Variants in OTUD7A observed in about 807,000 individuals in gnomAD.
OTUD7A encodes the protein OTU domain-containing protein 7A.
A neutral mutation model predicts 65.7 loss-of-function variants in OTUD7A; 12 were observed. The ratio of observed to expected loss-of-function variants is 0.18; its 90% CI spans 0.12 to 0.30. The LOEUF (loss-of-function observed/expected upper bound fraction) is 0.30, where lower values mean the gene tolerates loss of function less well. Among genes scored for constraint, OTUD7A ranks in the 10% least tolerant of loss-of-function variants. The pLI is 1.00. For synonymous variants in OTUD7A, 641 were observed against 586.3 expected, an observed-to-expected ratio of 1.09 and a Z score of -1.35; for missense variants, 1,148 against 1,304.8, an observed-to-expected ratio of 0.88 and a Z score of 1.85.
chr15:31,861,010 C>T (rs1308939736), intron 1 of OTUD7A, among the ~76,000 whole-genome samples: 1 of 151,564 alleles, frequency 6.6e-6, no homozygotes, highest in African/African-American at 2.4e-5. Flanking sequence ...TGAGCCACCA[C>T]ACCCAGCCAG....
chr15:31,639,599 T>C (rs1429166080), intron 3 of OTUD7A, among the ~76,000 whole-genome samples: 1 of 151,440 alleles, frequency 6.6e-6, no homozygotes, highest in Admixed American at 6.6e-5. Flanking sequence ...AATTGTTTTC[T>C]AAAGTGGCTG....
At chr15:31,659,759 G>A (rs1178763721) in intron 1 of OTUD7A, among the ~76,000 whole-genome samples, 2 of 152,226 alleles carry the variant, frequency 1.3e-5, no homozygotes, top group Non-Finnish European at 2.9e-5. Flanking sequence ...GCCACGGGAA[G>A]GGGCACACAA....
intron 1 of OTUD7A, among the ~76,000 whole-genome samples, chr15:31,867,676 A>C (rs974649742): frequency 6.6e-6 from 1 of 152,288 alleles, no homozygotes; most frequent in East Asian, 1.9e-4. Context: ...AGTTCACTGA[A>C]GTCAACTTTC....
intron 1 of OTUD7A, chr15:31,767,099 T>C (rs1159563998): frequency 1.9e-6 from 3 of 1,550,148 alleles, no homozygotes; most frequent in Non-Finnish European, 2.6e-6. Context: ...AGTCTCTCAG[T>C]AGAATCTGAT....
chr15:31,620,359 T>C (rs1169513115), intron 3 of OTUD7A, among the ~76,000 whole-genome samples: 2 of 152,184 alleles, frequency 1.3e-5, no homozygotes, highest in Non-Finnish European at 1.5e-5. Flanking sequence ...CTCCTCCTTT[T>C]ACCTCTGGTA....
At chr15:31,745,332 T>G (rs183802978) in intron 1 of OTUD7A, among the ~76,000 whole-genome samples, 55 of 152,194 alleles carry the variant, frequency 3.6e-4, no homozygotes, top group East Asian at 3.1e-3. Flanking sequence ...GATATGGGCA[T>G]GAAGGCAAAT....
At chr15:31,596,423 T>A (rs567050237) in intron 3 of OTUD7A, among the ~76,000 whole-genome samples, 2 of 152,244 alleles carry the variant, frequency 1.3e-5, no homozygotes, top group Non-Finnish European at 2.9e-5. Context: ...GTTTGTGTGA[T>A]TATAAGTAAA....
intron 1 of OTUD7A, among the ~76,000 whole-genome samples, chr15:31,695,965 G>A (rs1266926890): frequency 1.3e-5 from 2 of 152,158 alleles, no homozygotes; most frequent in Non-Finnish European, 2.9e-5. Context: ...TGAGGAAGAG[G>A]GGCTCAGGCA....
chr15:31,774,645 T>C (rs1464469495), intron 1 of OTUD7A, among the ~76,000 whole-genome samples: 1 of 152,214 alleles, frequency 6.6e-6, no homozygotes, highest in African/African-American at 2.4e-5. Context: ...TGCTAGTTGC[T>C]GATTACAGCA....
chr15:31,582,664 C>G (rs1212215777), intron 3 of OTUD7A, among the ~76,000 whole-genome samples: 3 of 152,190 alleles, frequency 2.0e-5, no homozygotes, highest in African/African-American at 7.2e-5. Context: ...ACCACAAGAA[C>G]AGTATGGGGA....
chr15:31,822,400 T>C lies in OTUD7A; in HGVS notation c.-100+48107A>G, dbSNP rs182265490. The stretch of plus-strand genomic sequence containing the variant: ...GCACCCTAGCTCCCTCCAGTTTCTG[T>C]TATTTATTAGGAAACAGACAAAGAA... On this transcript the variant is annotated intron_variant, in intron 1 of 12. Transcript: ENST00000307050. Among the ~76,000 whole-genome samples the C allele has an allele frequency of 7.9e-4, 120 of 152,308 alleles. 1 individual carries two copies. Among genetic ancestry groups the C allele is most frequent in the African/African-American group, 2.7e-3 (113 of 41,558 alleles).
At chr15:31,836,556 AC>A (rs1212779143) in intron 1 of OTUD7A, among the ~76,000 whole-genome samples, 1 of 152,218 alleles carries the variant, frequency 6.6e-6, no homozygotes, top group Non-Finnish European at 1.5e-5. Flanking sequence ...CAGAAAGAGT[AC>A]CAAGATGCCT....
intron 1 of OTUD7A, chr15:31,768,053 C>T: frequency 3.1e-6 from 5 of 1,601,976 alleles, no homozygotes; most frequent in Admixed American, 1.7e-5. Flanking sequence ...AAGCCAATCC[C>T]CTGCTTCTCC....
intron 1 of OTUD7A, among the ~76,000 whole-genome samples, chr15:31,819,044 A>G (rs571137441): frequency 2.1e-4 from 32 of 152,276 alleles, no homozygotes; most frequent in African/African-American, 7.7e-4. Flanking sequence ...GCCAGTTTGT[A>G]AGCAGAAATG....
At chr15:31,632,409 T>G (rs1430116647) in intron 3 of OTUD7A, among the ~76,000 whole-genome samples, 1 of 152,218 alleles carries the variant, frequency 6.6e-6, no homozygotes, top group Non-Finnish European at 1.5e-5. Context: ...CAGCGGTGCC[T>G]GTAGAACAGC....
At chr15:31,586,297 A>C (rs1889534610) in intron 3 of OTUD7A, among the ~76,000 whole-genome samples, 1 of 152,234 alleles carries the variant, frequency 6.6e-6, no homozygotes, top group African/African-American at 2.4e-5. Flanking sequence ...CTGAATTTAA[A>C]TGAAAGTCTA....
At chr15:31,719,237 C>T (rs1595725319) in intron 1 of OTUD7A, among the ~76,000 whole-genome samples, 1 of 152,148 alleles carries the variant, frequency 6.6e-6, no homozygotes. Flanking sequence ...ACCACCATTG[C>T]TCGCCCATGC....
chr15:31,569,335 C>A (rs1298592262), intron 4 of OTUD7A, among the ~76,000 whole-genome samples: 1 of 152,220 alleles, frequency 6.6e-6, no homozygotes, highest in Non-Finnish European at 1.5e-5. Context: ...CAGCAGTGAT[C>A]TAAAAATTAA....
chr15:31,543,403 A>G (rs1888041794), intron 5 of OTUD7A, among the ~76,000 whole-genome samples: 1 of 151,922 alleles, frequency 6.6e-6, no homozygotes, highest in Admixed American at 6.6e-5. Flanking sequence ...TGAATGGGGG[A>G]AAATGGCAAT....
Sources: allele counts gnomAD v4.1 joint callset (sites outside exome capture counted in the v4.1 genomes callset), GRCh38; gene constraint gnomAD v4.1.1; transcripts MANE v1.5; gene names NCBI Gene and HGNC (gene_info 2026-07-23, HGNC 2026-07-21).